The following TMC3 variants were observed in gnomAD, a reference collection of about 807,000 sequenced individuals.
The protein encoded by TMC3 is transmembrane channel-like protein 3.
A neutral mutation model predicts 110.6 loss-of-function variants in TMC3; 98 were observed. The observed-to-expected ratio is 0.89, with a 90% CI of 0.75 to 1.05. The LOEUF (loss-of-function observed/expected upper bound fraction) is 1.05. Ranked by LOEUF, TMC3 falls within the 50% of genes least tolerant of loss-of-function variation. TMC3 has a pLI of 0.00. For synonymous variants in TMC3, 489 were observed against 513.1 expected (o/e 0.95, Z 0.63); for missense variants, 1,319 against 1,373.2 (o/e 0.96, Z 0.62).
At chr15:81,343,867 G>A (rs1226614411) in intron 14 of TMC3, 50 bp downstream of exon 14, 5 of 1,590,706 alleles carry the variant, frequency 3.1e-6, no homozygotes, top group South Asian at 1.1e-5. Context: ...CATGAGAAAG[G>A]ATGGATTTGG....
chr15:81,351,334 GTCTCTC>G (rs59510909), intron 10 of TMC3, among the ~76,000 whole-genome samples: 1 of 140,888 alleles, frequency 7.1e-6, no homozygotes, highest in African/African-American at 2.8e-5. Flanking sequence ...ACTTTTCTGT[GTCTCTC>G]TCTCTCTCTT....
At chr15:81,341,669 A>G in intron 15 of TMC3, 151 bp from the exon 16 acceptor site, 1 of 634,324 alleles carries the variant, frequency 1.6e-6, no homozygotes, top group Non-Finnish European at 2.6e-6. Context: ...TCCCGAGACC[A>G]CAACCCTCCA....
intron 3 of TMC3, among the ~76,000 whole-genome samples, chr15:81,366,671 T>C (rs1416035131): frequency 6.6e-6 from 1 of 152,216 alleles, no homozygotes; most frequent in Non-Finnish European, 1.5e-5. Flanking sequence ...ATAATTTATT[T>C]CATAAACTCC....
chr15:81,339,204 C>T (rs1893661007), intron 17 of TMC3, among the ~76,000 whole-genome samples, 190 bp downstream of exon 17: 1 of 152,184 alleles, frequency 6.6e-6, no homozygotes, highest in Non-Finnish European at 1.5e-5. Flanking sequence ...AACATGAGCA[C>T]AGAGATGATT....
intron 3 of TMC3, among the ~76,000 whole-genome samples, chr15:81,364,974 G>C (rs539485197): frequency 2.8e-4 from 42 of 151,912 alleles, no homozygotes; most frequent in East Asian, 1.9e-4. Flanking sequence ...AACAAACATG[G>C]TTTGAAGCAA....
chr15:81,350,461 T>C (rs1893923864), intron 10 of TMC3, among the ~76,000 whole-genome samples: 1 of 151,286 alleles, frequency 6.6e-6, no homozygotes, highest in African/African-American at 2.5e-5. Context: ...AAGAGGAGTT[T>C]TAGCTGGTAC....
intron 2 of TMC3, among the ~76,000 whole-genome samples, chr15:81,369,834 G>A (rs1313955040): frequency 1.3e-5 from 2 of 152,180 alleles, no homozygotes; most frequent in Non-Finnish European, 2.9e-5. Context: ...GCCATGGTGG[G>A]AAGATCACTT....
chr15:81,340,566 T>C (rs1893693472), intron 16 of TMC3, among the ~76,000 whole-genome samples: 1 of 152,228 alleles, frequency 6.6e-6, no homozygotes, highest in Non-Finnish European at 1.5e-5. Context: ...GAATGTGTTA[T>C]GAATTCACCA....
chr15:81,359,532 T>C, intron 4 of TMC3, 61 bp from the exon 5 acceptor site: 1 of 1,183,066 alleles, frequency 8.5e-7, no homozygotes, highest in Non-Finnish European at 1.2e-6. Flanking sequence ...CAAGAAATCC[T>C]ACAAAAAGAA....
rs371289786 is a variant in TMC3 at position 81,372,349 on chromosome 15, GACACACACACACACACACACACACACAC to G, written c.236+214_236+241del. 2.1e-3 allele frequency among the ~76,000 whole-genome samples: 249 copies of G among 116,858 alleles called. 2 individuals carry two copies. The highest frequency in any genetic ancestry group is 7.2e-3 in the African/African-American group (229 of 31,864). The allele number at this position is 116,858 out of a possible 152,430, so 76.7% of individuals were successfully genotyped here. On this transcript the variant is annotated intron_variant, in intron 2 of 21. Coordinates refer to ENST00000359440, the MANE Select transcript of TMC3 (RefSeq NM_001080532.3). Reference sequence around the variant, plus strand: ...TCTCTTTCTCTGTATCTGTCTCTCTGACACACACACACACACACACACACACACACACACACACACACACACACACACA... The same window carrying G: ...TCTCTTTCTCTGTATCTGTCTCTCTGACACACACACACACACACACACACA...
chr15:81,364,770 C>T (rs548764567), intron 3 of TMC3, among the ~76,000 whole-genome samples: 5 of 151,086 alleles, frequency 3.3e-5, no homozygotes, highest in African/African-American at 1.2e-4. Context: ...AAATTCTGTA[C>T]CCTGGTAGTG....
At chr15:81,361,181 G>A (rs779918114) in intron 4 of TMC3, among the ~76,000 whole-genome samples, 5 of 151,984 alleles carry the variant, frequency 3.3e-5, no homozygotes, top group Non-Finnish European at 5.9e-5. Context: ...ATGTATGTAA[G>A]TTTTCTTTTT....
chr15:81,370,358 C>A lies in TMC3; in HGVS notation c.237-2030G>T, dbSNP rs117996809. ...GGGAAGTGTTGCTCCAGTAGTTTCT[C>A]AAGGTGATGGAGAGGAGATATGCGT... On this transcript the variant is annotated intron_variant, in intron 2 of 21. Coordinates refer to ENST00000359440, the MANE Select transcript of TMC3 (RefSeq NM_001080532.3). Among the ~76,000 whole-genome samples, 494 of 152,252 alleles carry A rather than the reference C, an allele frequency of 3.2e-3. 1 individual carries two copies. The highest frequency in any genetic ancestry group is 4.9e-3 in the Non-Finnish European group (330 of 68,022).
Position 81,349,541 on chromosome 15 carries a change from G to A in TMC3, c.1110C>T (p.Thr370=), listed in dbSNP as rs1293762890. 5 of 1,551,304 alleles carry A rather than the reference G, an allele frequency of 3.2e-6. No individual in the cohort carries two copies. Among genetic ancestry groups the A allele is most frequent in the Non-Finnish European group, 3.5e-6 (4 of 1,147,278 alleles). The change falls in exon 11 of 22, where the codon ACC becomes ACT. Residue 370 remains threonine, a synonymous_variant. Coordinates refer to ENST00000359440, the MANE Select transcript of TMC3 (RefSeq NM_001080532.3). ...NEVSVVVSLV[T]MIAPSAFDLI... ...GGTCAAAGGCTGATGGTGCTATCAT[G>A]GTGACGAGGGAGACCACCACACTGA...
At chr15:81,359,219 G>A (rs1894132062) in intron 5 of TMC3, 146 bp downstream of exon 5, 2 of 630,456 alleles carry the variant, frequency 3.2e-6, no homozygotes, top group African/African-American at 3.8e-5. Flanking sequence ...TTATTCTGTG[G>A]TCCTTTACAG....
Position 81,374,210 on chromosome 15 carries a change from G to GAGAGACCAGTCTTCTCAGGAAGAAGAC in TMC3, c.-134_-133insGTCTTCTTCCTGAGAAGACTGGTCTCT. On this transcript the variant is annotated 5_prime_UTR_variant, in exon 1 of 22. Transcript: ENST00000359440. ...CCCGCTAGTTCTCAGGAAGAAGACT[G>GAGAGACCAGTCTTCTCAGGAAGAAGAC]TGTGCTTGCAGCTGGTGCTCTGAGC... 1 of 729,244 alleles carries GAGAGACCAGTCTTCTCAGGAAGAAGAC rather than the reference G, an allele frequency of 1.4e-6. No homozygotes were observed. Among genetic ancestry groups the GAGAGACCAGTCTTCTCAGGAAGAAGAC allele is most frequent in the African/African-American group, 1.7e-5 (1 of 57,462 alleles). The allele number at this position is 729,244 out of a possible 1,614,324, so 45.2% of individuals were successfully genotyped here.
intron 5 of TMC3, among the ~76,000 whole-genome samples, 158 bp from the exon 6 acceptor site, chr15:81,358,658 G>A (rs1894119528): frequency 6.6e-6 from 1 of 151,982 alleles, no homozygotes; most frequent in East Asian, 1.9e-4. Context: ...AATTAATCTT[G>A]GGCGGCCAGA....
intron 10 of TMC3, among the ~76,000 whole-genome samples, chr15:81,351,350 T>C (rs975472781): frequency 0.015 from 1,934 of 130,632 alleles, 36 homozygotes; most frequent in Admixed American, 0.066. Context: ...CTCTCTCTCT[T>C]TTTTTTTTTT....
At chr15:81,338,013 T>C in intron 18 of TMC3, 89 bp from the exon 19 acceptor site, 1 of 1,059,504 alleles carries the variant, frequency 9.4e-7, no homozygotes. Flanking sequence ...TTGGCAGGAA[T>C]GAGAGGCTCC....
Sources: gnomAD v4.1 joint callset for allele counts (sites outside exome capture counted in the v4.1 genomes callset) on GRCh38, gnomAD v4.1.1 for gene constraint, MANE v1.5 for transcripts, NCBI Gene and HGNC (gene_info 2026-07-23, HGNC 2026-07-21) for gene names.